The following PARP16 variants were observed in gnomAD, a reference collection of about 807,000 sequenced individuals.
PARP16 encodes the protein protein mono-ADP-ribosyltransferase PARP16.
In PARP16, 31 loss-of-function variants were observed where a neutral mutation model predicts 35.0. That is an observed-to-expected ratio of 0.88 (90% confidence interval 0.66 to 1.19). The LOEUF (loss-of-function observed/expected upper bound fraction) is 1.19, where lower values mean the gene tolerates loss of function less well. Ranked by LOEUF, PARP16 falls within the 50% of genes most tolerant of loss-of-function variation. PARP16 has a pLI of 0.00. For synonymous variants in PARP16, 162 were observed against 169.5 expected, an observed-to-expected ratio of 0.96 and a Z score of 0.34; for missense variants, 424 against 411.2, an observed-to-expected ratio of 1.03 and a Z score of -0.27.
At chr15:65,272,399 T>C (rs1372480261) in intron 1 of PARP16, among the ~76,000 whole-genome samples, 1 of 152,206 alleles carries the variant, frequency 6.6e-6, no homozygotes, top group Non-Finnish European at 1.5e-5. Context: ...GACTAACAGA[T>C]AGCAACAAAG....
At chr15:65,240,323 AGTGTGTGTGTGTGTGTGTGTGT>A (rs34811236) in intron 3 of PARP16, among the ~76,000 whole-genome samples, 1 of 126,126 alleles carries the variant, frequency 7.9e-6, no homozygotes, top group East Asian at 2.4e-4. Flanking sequence ...GGGGGGGGCT[AGTGTGTGTGTGTGTGTGTGTGT>A]GTGTGTGTGT....
chr15:65,275,985 G>A (rs1484573193), intron 1 of PARP16, among the ~76,000 whole-genome samples: 1 of 152,114 alleles, frequency 6.6e-6, no homozygotes, highest in Non-Finnish European at 1.5e-5. Context: ...CAGTCAGCTA[G>A]CCAGGTGCCT....
In PARP16 at chr15:65,259,613, G is replaced by A. The variant is rs2089634195; in HGVS notation, c.834-71C>T. 1.1e-5 allele frequency: 15 copies of A among 1,407,378 alleles called. No individual in the cohort carries two copies. The South Asian group carries it at 1.8e-4, about 17-fold the overall frequency. 87.2% of individuals were successfully genotyped at this position (1,407,378 alleles called of 1,614,324 possible). ...CATTTTTTTTAAGTGTGTACAACAA[G>A]TCTGGCTCTAAGAAGACAAAATGAT... On this transcript the variant is annotated intron_variant, in intron 5 of 5. Transcript: ENST00000649807.
downstream of PARP16, among the ~76,000 whole-genome samples, chr15:65,257,024 G>A (rs1014798671): frequency 1.1e-4 from 17 of 152,196 alleles, no homozygotes; most frequent in Non-Finnish European, 2.1e-4. Context: ...TGGACATAGC[G>A]GCTCATGCCT....
At chr15:65,281,089 C>T (rs1390148045) in intron 1 of PARP16, among the ~76,000 whole-genome samples, 1 of 152,136 alleles carries the variant, frequency 6.6e-6, no homozygotes, top group Non-Finnish European at 1.5e-5. Context: ...CCACACACTT[C>T]CCACCCCCAG....
intron 3 of PARP16, 22 bp downstream of exon 3, chr15:65,266,540 C>G: frequency 6.3e-7 from 1 of 1,592,986 alleles, no homozygotes. Context: ...CCCACATCAG[C>G]AGGGTGTCCC....
At chr15:65,239,424 TA>T (rs758350761) in intron 3 of PARP16, among the ~76,000 whole-genome samples, 148 of 6,948 alleles carry the variant, frequency 0.021, no homozygotes, top group African/African-American at 0.066. Context: ...AGACTTTGCC[TA>T]AAAAAAAAAA....
downstream of PARP16, among the ~76,000 whole-genome samples, chr15:65,256,313 C>T (rs138220883): frequency 5.4e-4 from 82 of 152,208 alleles, no homozygotes; most frequent in African/African-American, 1.8e-3. Flanking sequence ...ATCCTAGATC[C>T]GCTCTCCAAC....
downstream of PARP16, among the ~76,000 whole-genome samples, chr15:65,256,792 C>A (rs2089525915): frequency 6.6e-6 from 1 of 152,180 alleles, no homozygotes; most frequent in East Asian, 1.9e-4. Flanking sequence ...CCTTTATAAC[C>A]TGCCTGCTTT....
chr15:65,261,917 C>T (rs78450855), intron 4 of PARP16, among the ~76,000 whole-genome samples: 6 of 152,150 alleles, frequency 3.9e-5, no homozygotes, highest in African/African-American at 1.2e-4. Flanking sequence ...ACGAAAGCTG[C>T]GTGACAGCAG....
chr15:65,264,139 C>G (rs978181015), intron 3 of PARP16, among the ~76,000 whole-genome samples: 8 of 152,198 alleles, frequency 5.3e-5, no homozygotes, highest in Admixed American at 5.2e-4. Context: ...AAAATCTAGG[C>G]AGCATCTCCC....
intron 2 of PARP16, among the ~76,000 whole-genome samples, chr15:65,267,539 A>G (rs1162402580): frequency 1.3e-5 from 2 of 151,008 alleles, no homozygotes; most frequent in Non-Finnish European, 1.5e-5. Context: ...CCCAGGAGGC[A>G]GAGCTTGCAG....
rs770333678 is a variant in PARP16 at position 65,266,665 on chromosome 15, T to C, written c.416A>G (p.Tyr139Cys). 2.5e-6 allele frequency: 4 copies of C among 1,614,162 alleles called. No homozygotes were observed. In the Middle Eastern group the frequency reaches 4.9e-4, roughly 200 times the overall value. The change falls in exon 3 of 6, where the codon TAT (tyrosine) becomes TGT (cysteine). Residue 139 changes from tyrosine to cysteine, a missense_variant. Physicochemically the swap from Tyr to Cys is radical, Grantham distance 194 (BLOSUM62 -2). Transcript: ENST00000649807. ...TAGGTCTCGTTCTCCTTTGGTCTCA[T>C]AAAATTTGGCGTTGGCTGGGTCAAA... ...EYFDPANAKF[Y>C]ETKGERDLIY... is the part of the protein sequence containing the mutation.
chr15:65,236,390 C>A (rs924918796), intron 3 of PARP16, among the ~76,000 whole-genome samples: 1 of 152,208 alleles, frequency 6.6e-6, no homozygotes, highest in African/African-American at 2.4e-5. Context: ...TTTTTATGAC[C>A]TGGACCAGGG....
chr15:65,239,720 G>A (rs1313973068), intron 3 of PARP16, among the ~76,000 whole-genome samples: 1 of 148,136 alleles, frequency 6.8e-6, no homozygotes, highest in African/African-American at 2.5e-5. Context: ...GTAGTGGCGC[G>A]ATCTCCCCTC....
At chr15:65,257,212 T>C (rs2089540361), downstream of PARP16, among the ~76,000 whole-genome samples, 1 of 151,846 alleles carries the variant, frequency 6.6e-6, no homozygotes, top group Admixed American at 6.6e-5. Context: ...AGGTCAGGAG[T>C]TCATGACCAG....
intron 3 of PARP16, among the ~76,000 whole-genome samples, chr15:65,240,916 T>G (rs1015397255): frequency 1.2e-4 from 18 of 151,624 alleles, no homozygotes; most frequent in African/African-American, 4.1e-4. Context: ...CACTGCAACT[T>G]CCGCCTCCTG....
intron 2 of PARP16, among the ~76,000 whole-genome samples, chr15:65,270,333 T>G (rs1326546570): frequency 6.6e-6 from 1 of 152,222 alleles, no homozygotes; most frequent in East Asian, 1.9e-4. Context: ...GTGCCCCACT[T>G]TGAGGTAACT....
Position 65,286,403 on chromosome 15 carries a change from G to A in PARP16, c.24C>T (p.Ala8=), listed in dbSNP as rs989064330. 1.9e-6 allele frequency: 3 copies of A among 1,545,580 alleles called. No individual in the cohort carries two copies. Among genetic ancestry groups the A allele is most frequent in the Non-Finnish European group, 2.6e-6 (3 of 1,149,702 alleles). Residue 8 remains alanine (A), a synonymous_variant, in exon 1 of 6, where the codon GCC becomes GCT. Transcript: ENST00000649807. MQPSGWA[A]AREAAGRDML... Reference sequence around the variant, plus strand: ...TGTCGCGGCCCGCCGCCTCCCTGGCGGCCGCCCAGCCTGAGGGCTGCATCC... The same window carrying A: ...TGTCGCGGCCCGCCGCCTCCCTGGCAGCCGCCCAGCCTGAGGGCTGCATCC...
Sources: gnomAD v4.1 joint callset for allele counts (sites outside exome capture counted in the v4.1 genomes callset) on GRCh38, gnomAD v4.1.1 for gene constraint, MANE v1.5 for transcripts, NCBI Gene and HGNC (gene_info 2026-07-23, HGNC 2026-07-21) for gene names.